The following EPC2 variants were observed in gnomAD, a reference collection of about 807,000 sequenced individuals.
EPC2 encodes enhancer of polycomb homolog 2.
Under a neutral mutation model 92.1 loss-of-function variants are expected in EPC2, and 14 were observed. The ratio of observed to expected loss-of-function variants is 0.15; its 90% CI spans 0.10 to 0.24. EPC2 has a LOEUF of 0.24. Ranked by LOEUF, EPC2 falls within the 10% of genes least tolerant of loss-of-function variation. The pLI is 1.00. For missense variants in EPC2, 755 were observed against 971.5 expected (o/e 0.78, Z 2.96); for synonymous variants, 340 against 334.7 (o/e 1.02, Z -0.17).
At chr2:148,678,673 CTGCTCCGAG>C (rs1681326580) in intron 1 of EPC2, among the ~76,000 whole-genome samples, 1 of 152,268 alleles carries the variant, frequency 6.6e-6, no homozygotes, top group South Asian at 2.1e-4. Context: ...CTGGGGCCGG[CTGCTCCGAG>C]TGCAGGGCTG....
chr2:148,668,218 T>C (rs1340374185), intron 1 of EPC2, among the ~76,000 whole-genome samples: 5 of 152,180 alleles, frequency 3.3e-5, no homozygotes, highest in Non-Finnish European at 4.4e-5. Context: ...TTTTATTTAT[T>C]TTTTAAAGCT....
intron 1 of EPC2, among the ~76,000 whole-genome samples, chr2:148,656,026 G>GTGTGTGTGTGTGTGTGTGT (rs1230427174): frequency 4.8e-5 from 4 of 84,162 alleles, no homozygotes; most frequent in East Asian, 2.6e-4. Flanking sequence ...TGTGTGTGTG[G>GTGTGTGTGTGTGTGTGTGT]GGGGGGGGGG....
chr2:148,649,800 A>C (rs190616248), intron 1 of EPC2, among the ~76,000 whole-genome samples: 2 of 152,346 alleles, frequency 1.3e-5, no homozygotes, highest in Non-Finnish European at 2.9e-5. Context: ...AACTGTGATT[A>C]AGTTCATTAT....
At chr2:148,700,081 TTTA>T (rs1356929648) in intron 2 of EPC2, among the ~76,000 whole-genome samples, 1 of 152,146 alleles carries the variant, frequency 6.6e-6, no homozygotes, top group African/African-American at 2.4e-5. Context: ...GATTGCTTGT[TTTA>T]TTGTTGAGTT....
chr2:148,666,197 A>G (rs1261094420), intron 1 of EPC2, among the ~76,000 whole-genome samples: 8 of 152,128 alleles, frequency 5.3e-5, no homozygotes, highest in African/African-American at 7.2e-5. Flanking sequence ...TTTGAGTGCA[A>G]TGGCATGATC....
At chr2:148,730,110 G>A (rs1574609233) in intron 2 of EPC2, among the ~76,000 whole-genome samples, 2 of 152,300 alleles carry the variant, frequency 1.3e-5, no homozygotes, top group East Asian at 3.9e-4. Context: ...ATTTTCTTGA[G>A]TTGTCAATTG....
intron 1 of EPC2, among the ~76,000 whole-genome samples, chr2:148,671,292 T>TTTTTG: frequency 6.6e-6 from 1 of 150,748 alleles, no homozygotes; most frequent in African/African-American, 2.5e-5. Context: ...TTGTGATTTT[T>TTTTTG]TTTTTTTTTT....
At chr2:148,679,050 AAAAC>A (rs1038660703) in intron 1 of EPC2, among the ~76,000 whole-genome samples, 22 of 152,252 alleles carry the variant, frequency 1.4e-4, no homozygotes, top group African/African-American at 5.1e-4. Context: ...CCCTGTCACT[AAAAC>A]AAAATAATAT....
rs964145180 is a variant in EPC2 at position 148,762,012 on chromosome 2, A to G, written c.815+82A>G. On this transcript the variant is annotated intron_variant, in intron 5 of 13. Coordinates refer to ENST00000258484, the MANE Select transcript of EPC2 (RefSeq NM_015630.4). ...ATGAACCAAAAGATTTTTAGGGGGG[A>G]ACAGGTTAAGCTTTATGACAGTTGA... 1.2e-5 allele frequency: 14 copies of G among 1,203,488 alleles called. No individual in the cohort carries two copies. In the African/African-American group the frequency reaches 1.6e-4, roughly 14 times the overall value. 74.6% of individuals were successfully genotyped at this position (1,203,488 alleles called of 1,614,324 possible).
chr2:148,681,697 G>GGTTT lies in EPC2; in HGVS notation c.154-8500_154-8497dup, dbSNP rs753811147. Among the ~76,000 whole-genome samples the GGTTT allele has an allele frequency of 5.7e-3, 863 of 152,214 alleles. 4 individuals are homozygous for GGTTT. Among genetic ancestry groups the GGTTT allele is most frequent in the Non-Finnish European group, 8.6e-3 (584 of 68,026 alleles). ...AAACATGGGGTAAAATGACTGGTTAGGTTTGTTTGTTTGTTTGTTTCTTTC... is the reference window on the plus strand; with the variant it reads ...AAACATGGGGTAAAATGACTGGTTAGGTTTGTTTGTTTGTTTGTTTGTTTCTTTC... On this transcript the variant is annotated intron_variant, in intron 1 of 13. Coordinates refer to ENST00000258484, the MANE Select transcript of EPC2 (RefSeq NM_015630.4).
At chr2:148,699,656 T>G (rs2105376570) in intron 2 of EPC2, among the ~76,000 whole-genome samples, 1 of 152,360 alleles carries the variant, frequency 6.6e-6, no homozygotes, top group African/African-American at 2.4e-5. Flanking sequence ...AAAAGACATC[T>G]TGATTGCTTC....
intron 1 of EPC2, among the ~76,000 whole-genome samples, chr2:148,671,330 T>C (rs1232342440): frequency 1.3e-5 from 2 of 151,622 alleles, no homozygotes; most frequent in African/African-American, 4.9e-5. Flanking sequence ...AGTCATCTTT[T>C]TGGCTGGGCA....
intron 11 of EPC2, among the ~76,000 whole-genome samples, chr2:148,783,138 G>A (rs569927359): frequency 3.9e-5 from 6 of 152,270 alleles, no homozygotes; most frequent in African/African-American, 1.2e-4. Flanking sequence ...CAGAATCAAG[G>A]AGGAATGGCC....
intron 2 of EPC2, among the ~76,000 whole-genome samples, chr2:148,705,770 A>G (rs1198590510): frequency 6.6e-6 from 1 of 152,240 alleles, no homozygotes; most frequent in East Asian, 1.9e-4. Context: ...GACTGTTAGA[A>G]GGAAAACTAA....
In EPC2 at chr2:148,757,842, AATAAAATAAAATAT is replaced by A. The variant is rs1354412006; in HGVS notation, c.666+3723_666+3736del. Among the ~76,000 whole-genome samples the A allele has an allele frequency of 3.9e-5, 6 of 152,068 alleles. No homozygotes were observed. In the East Asian group the frequency reaches 9.6e-4, roughly 24 times the overall value. Reference sequence around the variant, plus strand: ...AAGAGTGAAACTCTATCTCAAAAATAATAAAATAAAATATATAAAATAAAATACTGTATAAAATA... The same window carrying A: ...AAGAGTGAAACTCTATCTCAAAAATAATAAAATAAAATACTGTATAAAATA... On this transcript the variant is annotated intron_variant, in intron 4 of 13. Coordinates refer to ENST00000258484, the MANE Select transcript of EPC2 (RefSeq NM_015630.4).
Position 148,644,941 on chromosome 2 carries a change from A to AGGC in EPC2, c.-71_-69dup. On this transcript the variant is annotated 5_prime_UTR_variant, in exon 1 of 14. Coordinates refer to ENST00000258484, the MANE Select transcript of EPC2 (RefSeq NM_015630.4). Reference sequence around the variant, plus strand: ...GCTGCACTGAGGAAGGAGGTGGAGGAGGCGGCGGGAGTCCTCCCCCCCTCC... The same window carrying AGGC: ...GCTGCACTGAGGAAGGAGGTGGAGGAGGCGGCGGCGGGAGTCCTCCCCCCCTCC... The AGGC allele has an allele frequency of 8.2e-7, 1 of 1,226,202 alleles. No individual in the cohort carries two copies. The highest frequency in any genetic ancestry group is 2.6e-5 in the East Asian group (1 of 38,872). The allele number at this position is 1,226,202 out of a possible 1,614,324, so 76.0% of individuals were successfully genotyped here.
intron 1 of EPC2, among the ~76,000 whole-genome samples, chr2:148,658,031 T>G (rs1680842309): frequency 6.6e-6 from 1 of 152,192 alleles, no homozygotes; most frequent in Non-Finnish European, 1.5e-5. Flanking sequence ...ATTTAATACC[T>G]AAGCCATTGC....
chr2:148,693,562 TG>T (rs1270464569), intron 2 of EPC2, among the ~76,000 whole-genome samples: 1 of 152,214 alleles, frequency 6.6e-6, no homozygotes, highest in African/African-American at 2.4e-5. Flanking sequence ...ATGAACTGTT[TG>T]AGGGTCTTTT....
intron 2 of EPC2, among the ~76,000 whole-genome samples, chr2:148,711,476 TTTA>T (rs1490544756): frequency 6.6e-6 from 1 of 152,188 alleles, no homozygotes; most frequent in African/African-American, 2.4e-5. Flanking sequence ...TCTCATAAAA[TTTA>T]TTATTTTTTT....
Sources: gnomAD v4.1 joint callset for allele counts (sites outside exome capture counted in the v4.1 genomes callset) on GRCh38, gnomAD v4.1.1 for gene constraint, MANE v1.5 for transcripts, NCBI Gene and HGNC (gene_info 2026-07-23, HGNC 2026-07-21) for gene names.